The following BTBD8 variants were observed in gnomAD, a reference collection of about 807,000 sequenced individuals.
The protein encoded by BTBD8 is BTB domain containing 8, also known as BTB/POZ domain-containing protein 8.
In BTBD8, 110 loss-of-function variants were observed where a neutral mutation model predicts 162.9. That is an observed-to-expected ratio of 0.68 (90% confidence interval 0.58 to 0.79). The LOEUF is 0.79. BTBD8 is among the 30% of genes least tolerant of loss of function. The probability of loss-of-function intolerance (pLI) is 0.00; values close to 1 mark genes in which losing one functional copy is unlikely to be tolerated. For synonymous variants in BTBD8, 667 were observed against 716.1 expected (o/e 0.93, Z 1.10); for missense variants, 1,905 against 2,085.4 (o/e 0.91, Z 1.68).
chr1:92,174,539 A>G (rs1424945547), intron 13 of BTBD8, among the ~76,000 whole-genome samples: 1 of 152,214 alleles, frequency 6.6e-6, no homozygotes, highest in Non-Finnish European at 1.5e-5. Flanking sequence ...CAAGGATAGA[A>G]TAAATTAAGT....
At chr1:92,177,789 C>T (rs768521650) in intron 14 of BTBD8, 22 bp from the exon 15 acceptor site, 21 of 1,334,998 alleles carry the variant, frequency 1.6e-5, no homozygotes, top group Non-Finnish European at 2.1e-5. Flanking sequence ...TCTCTTATGA[C>T]TCACTTTTTC....
chr1:92,183,921 C>A lies in BTBD8; in HGVS notation c.4970C>A (p.Ser1657Ter). ...ACCCGCATGTATGACCATCGGCCTT[C>A]AAAAACCCTGTCTCCAATATATGAG... Reference protein sequence around the residue: ...AQTRMYDHRPSKTLSPIYEMD... With the variant: ...AQTRMYDHRP Residue 1657 changes from serine to a stop codon, truncating the protein, a stop_gained, in exon 18 of 18, where the codon TCA becomes TAA. Transcript: ENST00000636805. LOFTEE classifies it high-confidence loss of function. 1 of 1,551,482 alleles carries A rather than the reference C, an allele frequency of 6.4e-7. No individual in the cohort carries two copies. Among genetic ancestry groups the A allele is most frequent in the South Asian group, 1.2e-5 (1 of 84,032 alleles).
At chr1:92,123,734 G>C (rs569924) in intron 4 of BTBD8, among the ~76,000 whole-genome samples, 1 of 127,070 alleles carries the variant, frequency 7.9e-6, no homozygotes, top group African/African-American at 3.1e-5. Flanking sequence ...CCAAGATCGC[G>C]CCACTGCACT....
chr1:92,153,488 TAACTGA>T (rs962760124), intron 9 of BTBD8, among the ~76,000 whole-genome samples: 5 of 152,196 alleles, frequency 3.3e-5, no homozygotes, highest in Admixed American at 2.0e-4. Flanking sequence ...TCATCTTTCG[TAACTGA>T]AACTTAATGC....
intron 2 of BTBD8, among the ~76,000 whole-genome samples, chr1:92,091,545 T>A (rs977141481): frequency 2.6e-5 from 4 of 151,944 alleles, no homozygotes; most frequent in African/African-American, 9.7e-5. Context: ...TCTTTTTTTT[T>A]TTATTTTTAG....
chr1:92,175,495 A>AAAAAAT (rs386367662), intron 13 of BTBD8, among the ~76,000 whole-genome samples: 1 of 149,892 alleles, frequency 6.7e-6, no homozygotes, highest in Non-Finnish European at 1.5e-5. Context: ...AAAAAAAAAA[A>AAAAAAT]AAAAGAATGA....
At chr1:92,108,848 A>T (rs914967476) in intron 4 of BTBD8, among the ~76,000 whole-genome samples, 1 of 152,216 alleles carries the variant, frequency 6.6e-6, no homozygotes, top group African/African-American at 2.4e-5. Flanking sequence ...TACTGAACAG[A>T]AAGAGCCAGA....
chr1:92,179,014 G>A (rs1650805955), intron 16 of BTBD8, among the ~76,000 whole-genome samples: 2 of 152,178 alleles, frequency 1.3e-5, no homozygotes, highest in Non-Finnish European at 2.9e-5. Context: ...GGGAGGCCAA[G>A]GCGGGTGGAT....
rs954465580 is a variant in BTBD8, at chr1:92,107,746, T to C, written c.545-138T>C. 7.2e-5 allele frequency: 48 copies of C among 669,258 alleles called. No homozygotes were observed. In the African/African-American group the frequency reaches 8.7e-4, roughly 12 times the overall value. The allele number at this position is 669,258 out of a possible 1,614,324, so 41.5% of individuals were successfully genotyped here. A position where few individuals can be genotyped will look rare whatever the true frequency, so the allele number is the denominator to read the frequency against. ...AAGTCTAGATGATTTAAACTTTTTG[T>C]TTTATTTTTAATTTACCACTTACAT... On this transcript the variant is annotated intron_variant, in intron 3 of 17. Transcript: ENST00000636805.
chr1:92,163,061 G>A lies in BTBD8; in HGVS notation c.1123-3897G>A, dbSNP rs373877776. ...TTCAAGATGTGTGCTAAGTGTAAAAGGCAAGATACAGGGCCAGGCGCGGTG... is the reference window on the plus strand; with the variant it reads ...TTCAAGATGTGTGCTAAGTGTAAAAAGCAAGATACAGGGCCAGGCGCGGTG... On this transcript the variant is annotated intron_variant, in intron 9 of 17. Coordinates refer to ENST00000636805, the MANE Select transcript of BTBD8 (RefSeq NM_001376131.1). Among the ~76,000 whole-genome samples the A allele has an allele frequency of 1.4e-4, 22 of 151,858 alleles. 1 individual carries two copies. In the East Asian group the frequency reaches 1.9e-3, roughly 13 times the overall value.
chr1:92,180,542 C>T lies in BTBD8; in HGVS notation c.2859C>T (p.Ser953=). 6.4e-7 allele frequency: 1 copy of T among 1,551,640 alleles called. No individual in the cohort carries two copies. Among genetic ancestry groups the T allele is most frequent in the Non-Finnish European group, 8.7e-7 (1 of 1,146,946 alleles). The change falls in exon 17 of 18, where the codon TCC becomes TCT. Residue 953 remains serine, a synonymous_variant. Coordinates refer to ENST00000636805, the MANE Select transcript of BTBD8 (RefSeq NM_001376131.1). Reference sequence around the variant, plus strand: ...AGGTTATATCAAAAACTCAGCCTTCCTCCCAAAGACCTTTAAAACATGAAA... The same window carrying T: ...AGGTTATATCAAAAACTCAGCCTTCTTCCCAAAGACCTTTAAAACATGAAA... The part of the protein sequence containing the change: ...PGQVISKTQP[S]SQRPLKHETS...
chr1:92,109,429 C>G (rs534789073), intron 4 of BTBD8, among the ~76,000 whole-genome samples: 76 of 152,072 alleles, frequency 5.0e-4, no homozygotes, highest in Non-Finnish European at 9.6e-4. Flanking sequence ...CAAACAGTGC[C>G]TATATTTGGC....
Position 92,091,363 on chromosome 1 carries a change from A to G in BTBD8, c.347+2468A>G, listed in dbSNP as rs547832760. On this transcript the variant is annotated intron_variant, in intron 2 of 17. Coordinates refer to ENST00000636805, the MANE Select transcript of BTBD8 (RefSeq NM_001376131.1). ...CATGCCTTCCTGTACAGCCTGGGGA[A>G]CTGGGAGTCAATTAAACCTCTTTTC... Among the ~76,000 whole-genome samples the G allele has an allele frequency of 2.6e-5, 4 of 152,246 alleles. No individual in the cohort carries two copies. The East Asian group carries it at 7.7e-4, about 29-fold the overall frequency.
At chr1:92,177,671 G>A (rs1650760844) in intron 14 of BTBD8, 125 bp downstream of exon 14, 2 of 820,858 alleles carry the variant, frequency 2.4e-6, no homozygotes, top group Non-Finnish European at 2.0e-6. Flanking sequence ...TTATGTATAT[G>A]TACTTATGCA....
At chr1:92,082,694 G>A (rs531780726) in intron 1 of BTBD8, among the ~76,000 whole-genome samples, 56 of 152,286 alleles carry the variant, frequency 3.7e-4, no homozygotes, top group African/African-American at 1.3e-3. Context: ...GTTACCTGAC[G>A]TGACAAGATA....
chr1:92,105,268 A>T (rs1648697917), intron 3 of BTBD8, among the ~76,000 whole-genome samples: 1 of 147,442 alleles, frequency 6.8e-6, no homozygotes, highest in Admixed American at 6.8e-5. Flanking sequence ...TATTGTTTTT[A>T]ATGAGATGGG....
At chr1:92,172,453 T>G (rs1047830042) in intron 13 of BTBD8, among the ~76,000 whole-genome samples, 4 of 152,222 alleles carry the variant, frequency 2.6e-5, no homozygotes, top group Non-Finnish European at 5.9e-5. Context: ...TGTTTGTTTG[T>G]TTTTGACCAC....
intron 9 of BTBD8, among the ~76,000 whole-genome samples, chr1:92,152,529 A>C (rs151089234): frequency 2.6e-5 from 4 of 152,318 alleles, no homozygotes; most frequent in African/African-American, 9.6e-5. Context: ...AAGACTAAAA[A>C]TGTAACCAGG....
At position 92,102,675 on chromosome 1, in the gene BTBD8, G is replaced by T; in HGVS notation, c.544+6G>T. Reference sequence around the variant, plus strand: ...TGATGATTTCATTTCCAATGGTGAGGTATTTTTTATGGAGTTGTATTTATA... The same window carrying T: ...TGATGATTTCATTTCCAATGGTGAGTTATTTTTTATGGAGTTGTATTTATA... On this transcript the variant is annotated splice_donor_region_variant and intron_variant, in intron 3 of 17. Transcript: ENST00000636805. The T allele has an allele frequency of 6.9e-7, 1 of 1,457,332 alleles. No individual in the cohort carries two copies. Among genetic ancestry groups the T allele is most frequent in the Non-Finnish European group, 9.1e-7 (1 of 1,098,168 alleles). The allele number at this position is 1,457,332 out of a possible 1,614,324, so 90.3% of individuals were successfully genotyped here. A position where few individuals can be genotyped will look rare whatever the true frequency, so the allele number is the denominator to read the frequency against.
Sources: allele counts gnomAD v4.1 joint callset (sites outside exome capture counted in the v4.1 genomes callset), GRCh38; gene constraint gnomAD v4.1.1; transcripts MANE v1.5; gene names NCBI Gene and HGNC (gene_info 2026-07-23, HGNC 2026-07-21).